Variants in NEGR1 observed in about 807,000 individuals in gnomAD.
The protein encoded by NEGR1 is neuronal growth regulator 1.
In NEGR1, 10 loss-of-function variants were observed where a neutral mutation model predicts 40.9. The ratio of observed to expected loss-of-function variants is 0.24; its 90% CI spans 0.15 to 0.42. NEGR1 has a LOEUF of 0.42. NEGR1 is among the 10% of genes least tolerant of loss of function. The pLI is 1.00. For synonymous variants in NEGR1, 185 were observed against 166.8 expected, an observed-to-expected ratio of 1.11 and a Z score of -0.84; for missense variants, 352 against 438.9, an observed-to-expected ratio of 0.80 and a Z score of 1.77.
At chr1:71,997,007 C>T (rs1646510546) in intron 1 of NEGR1, among the ~76,000 whole-genome samples, 3 of 152,024 alleles carry the variant, frequency 2.0e-5, no homozygotes, top group African/African-American at 2.4e-5. Context: ...CTCTACTTCT[C>T]CTTTTTTCAA....
At chr1:71,482,399 G>A (rs1646859486) in intron 6 of NEGR1, among the ~76,000 whole-genome samples, 1 of 151,746 alleles carries the variant, frequency 6.6e-6, no homozygotes, top group Admixed American at 6.6e-5. Context: ...CAAACTGTTA[G>A]GTGGTGGAAA....
At chr1:72,149,374 C>A (rs1416147897) in intron 1 of NEGR1, among the ~76,000 whole-genome samples, 1 of 152,080 alleles carries the variant, frequency 6.6e-6, no homozygotes, top group Non-Finnish European at 1.5e-5. Context: ...GGGGACACAG[C>A]CAAATCATAT....
intron 6 of NEGR1, among the ~76,000 whole-genome samples, chr1:71,465,017 C>T (rs984026344): frequency 2.0e-4 from 30 of 152,092 alleles, no homozygotes; most frequent in African/African-American, 6.8e-4. Flanking sequence ...AAATCCTTCA[C>T]TGGATTTCTT....
chr1:71,633,049 A>G (rs1242518932), intron 4 of NEGR1, among the ~76,000 whole-genome samples: 2 of 152,100 alleles, frequency 1.3e-5, no homozygotes, highest in Non-Finnish European at 2.9e-5. Flanking sequence ...AAATATCTCT[A>G]ATAGGATTTA....
rs529649221 is a variant in NEGR1 at position 71,575,833 on chromosome 1, G to T, written c.940+16984C>A. On this transcript the variant is annotated intron_variant, in intron 6 of 6. Transcript: ENST00000357731. ...ACAAAACAAAAACAAAAAACAAAAAGCACAAAACCTTTCCCTAATGTTATT... is the reference window on the plus strand; with the variant it reads ...ACAAAACAAAAACAAAAAACAAAAATCACAAAACCTTTCCCTAATGTTATT... Among the ~76,000 whole-genome samples, 10 of 151,968 alleles carry T rather than the reference G, an allele frequency of 6.6e-5. No homozygotes were observed. The East Asian group carries it at 1.7e-3, about 26-fold the overall frequency.
chr1:72,106,792 C>A (rs777478978), intron 1 of NEGR1, among the ~76,000 whole-genome samples: 23 of 151,896 alleles, frequency 1.5e-4, no homozygotes, highest in Non-Finnish European at 3.1e-4. Flanking sequence ...ATCTTTTAGA[C>A]ACAATTGTGA....
At chr1:71,508,884 G>C (rs1647053714) in intron 6 of NEGR1, among the ~76,000 whole-genome samples, 2 of 152,160 alleles carry the variant, frequency 1.3e-5, no homozygotes, top group Admixed American at 6.5e-5. Context: ...AGAACCAAAA[G>C]TAGCATCACG....
At chr1:72,109,076 C>T (rs182556295) in intron 1 of NEGR1, among the ~76,000 whole-genome samples, 23 of 151,644 alleles carry the variant, frequency 1.5e-4, no homozygotes, top group African/African-American at 5.1e-4. Flanking sequence ...CTCATTTCCA[C>T]ATAAACACAT....
intron 1 of NEGR1, among the ~76,000 whole-genome samples, chr1:72,157,784 A>C (rs554704696): frequency 6.6e-6 from 1 of 152,188 alleles, no homozygotes; most frequent in Non-Finnish European, 1.5e-5. Context: ...ACTGACATAC[A>C]GGTTATCTAA....
intron 4 of NEGR1, among the ~76,000 whole-genome samples, chr1:71,629,714 G>C (rs1353325922): frequency 6.6e-6 from 1 of 151,906 alleles, no homozygotes; most frequent in Admixed American, 6.6e-5. Context: ...AGAAAACCCA[G>C]TCATCTCAGC....
At chr1:71,666,024 C>T (rs937260262) in intron 4 of NEGR1, among the ~76,000 whole-genome samples, 8 of 152,108 alleles carry the variant, frequency 5.3e-5, no homozygotes, top group African/African-American at 1.9e-4. Flanking sequence ...TAGAGACAGC[C>T]TCTACCTTCA....
At chr1:71,593,588 A>T (rs1454588347) in intron 5 of NEGR1, among the ~76,000 whole-genome samples, 1 of 152,184 alleles carries the variant, frequency 6.6e-6, no homozygotes, top group Non-Finnish European at 1.5e-5. Context: ...GGAATGTGCC[A>T]TGGAAAGACT....
chr1:71,783,678 G>A (rs898984362), intron 2 of NEGR1, among the ~76,000 whole-genome samples: 18 of 152,208 alleles, frequency 1.2e-4, no homozygotes, highest in African/African-American at 3.9e-4. Flanking sequence ...GTTATCTGTC[G>A]AACTTCAGTT....
intron 6 of NEGR1, among the ~76,000 whole-genome samples, chr1:71,579,647 A>C (rs1338973230): frequency 7.0e-6 from 1 of 143,282 alleles, no homozygotes; most frequent in Non-Finnish European, 1.5e-5. Flanking sequence ...TATGAAAGGG[A>C]ACTGATTCCA....
chr1:71,477,973 T>C (rs1646832463), intron 6 of NEGR1, among the ~76,000 whole-genome samples: 1 of 152,106 alleles, frequency 6.6e-6, no homozygotes, highest in Non-Finnish European at 1.5e-5. Flanking sequence ...TGTGATCTTG[T>C]ACTTTTCTTG....
intron 2 of NEGR1, among the ~76,000 whole-genome samples, chr1:71,781,705 T>C (rs1359527827): frequency 6.6e-6 from 1 of 152,154 alleles, no homozygotes; most frequent in Non-Finnish European, 1.5e-5. Flanking sequence ...CAAAGCAGTG[T>C]TTTATAGGGG....
chr1:71,966,799 A>T (rs1646213551), intron 1 of NEGR1, among the ~76,000 whole-genome samples: 1 of 152,052 alleles, frequency 6.6e-6, no homozygotes, highest in Non-Finnish European at 1.5e-5. Flanking sequence ...CTCCCCTCTG[A>T]TTTTCTGCTC....
chr1:71,717,891 C>T (rs1654331374), intron 3 of NEGR1, among the ~76,000 whole-genome samples: 1 of 152,156 alleles, frequency 6.6e-6, no homozygotes, highest in Non-Finnish European at 1.5e-5. Flanking sequence ...TGGAAGCAAA[C>T]AGCTATCTAC....
At chr1:71,611,555 C>A (rs796579075) in intron 4 of NEGR1, among the ~76,000 whole-genome samples, 8 of 152,248 alleles carry the variant, frequency 5.3e-5, no homozygotes, top group African/African-American at 1.9e-4. Context: ...ATACTCTAAG[C>A]TTGATGGTAT....
Sources: gnomAD v4.1 joint callset for allele counts (sites outside exome capture counted in the v4.1 genomes callset) on GRCh38, gnomAD v4.1.1 for gene constraint, MANE v1.5 for transcripts, NCBI Gene and HGNC (gene_info 2026-07-23, HGNC 2026-07-21) for gene names.